Variants in TFDP2 observed in about 807,000 individuals in gnomAD.
TFDP2 encodes transcription factor Dp-2.
A neutral mutation model predicts 59.3 loss-of-function variants in TFDP2; 17 were observed. The ratio of observed to expected loss-of-function variants is 0.29; its 90% CI spans 0.20 to 0.43. The LOEUF (loss-of-function observed/expected upper bound fraction) is 0.43, where lower values mean the gene tolerates loss of function less well. Ranked by LOEUF, TFDP2 falls within the 20% of genes least tolerant of loss-of-function variation. TFDP2 has a pLI of 1.00. For synonymous variants in TFDP2, 180 were observed against 194.7 expected, an observed-to-expected ratio of 0.92 and a Z score of 0.63; for missense variants, 391 against 528.8, an observed-to-expected ratio of 0.74 and a Z score of 2.56.
intron 3 of TFDP2, among the ~76,000 whole-genome samples, chr3:142,083,923 A>G (rs1305220183): frequency 6.6e-6 from 1 of 152,112 alleles, no homozygotes; most frequent in African/African-American, 2.4e-5. Flanking sequence ...CTTGGGGAAA[A>G]TCTCCAGGAC....
chr3:142,093,894 A>G (rs2061080893), intron 2 of TFDP2: 1 of 459,042 alleles, frequency 2.2e-6, no homozygotes, highest in Admixed American at 2.4e-5. Context: ...AAATGAGATA[A>G]TTCATGTAAA....
chr3:141,984,960 G>C (rs1941921156), intron 6 of TFDP2, among the ~76,000 whole-genome samples: 1 of 151,764 alleles, frequency 6.6e-6, no homozygotes, highest in Non-Finnish European at 1.5e-5. Flanking sequence ...TTGTGGAGCA[G>C]GACTACCCCA....
chr3:141,962,385 G>A (rs998024371), intron 10 of TFDP2, among the ~76,000 whole-genome samples: 1 of 151,276 alleles, frequency 6.6e-6, no homozygotes, highest in Non-Finnish European at 1.5e-5. Context: ...TCGAGACAGA[G>A]TCTTGCTCTG....
chr3:142,051,152 T>G (rs1203012556), intron 3 of TFDP2, among the ~76,000 whole-genome samples: 2 of 152,162 alleles, frequency 1.3e-5, no homozygotes, highest in Non-Finnish European at 2.9e-5. Flanking sequence ...TCTGGAAGAC[T>G]CTCCTGCGCA....
intron 1 of TFDP2, among the ~76,000 whole-genome samples, chr3:142,131,189 A>T (rs1395181037): frequency 6.7e-6 from 1 of 150,356 alleles, no homozygotes; most frequent in Non-Finnish European, 1.5e-5. Context: ...ATTTAGAGTA[A>T]GAATATTATT....
At chr3:142,020,600 A>C (rs550206734) in intron 3 of TFDP2, among the ~76,000 whole-genome samples, 54 of 151,964 alleles carry the variant, frequency 3.6e-4, no homozygotes, top group South Asian at 1.9e-3. Context: ...CACCTATGTA[A>C]ATGAAATAAA....
At chr3:142,014,541 A>G (rs1297758630) in intron 3 of TFDP2, among the ~76,000 whole-genome samples, 1 of 152,172 alleles carries the variant, frequency 6.6e-6, no homozygotes, top group Non-Finnish European at 1.5e-5. Flanking sequence ...TATGTAAACT[A>G]TACCTTAATA....
At chr3:142,051,230 C>G (rs763742919) in intron 3 of TFDP2, among the ~76,000 whole-genome samples, 41 of 152,124 alleles carry the variant, frequency 2.7e-4, no homozygotes, top group Non-Finnish European at 5.3e-4. Context: ...GCCTACCCCC[C>G]AAGTTGTGAC....
At chr3:142,049,293 G>A (rs1181652134) in intron 3 of TFDP2, among the ~76,000 whole-genome samples, 2 of 152,114 alleles carry the variant, frequency 1.3e-5, no homozygotes, top group South Asian at 2.1e-4. Flanking sequence ...TCCCATGAAT[G>A]GCAGAAGGTT....
intron 3 of TFDP2, chr3:142,028,957 T>A (rs1946287688): frequency 1.3e-5 from 2 of 153,178 alleles, no homozygotes; most frequent in Admixed American, 1.3e-4. Flanking sequence ...ATGCTTAAAG[T>A]AAAAAGGGTG....
chr3:142,073,433 T>C (rs2060316916), intron 3 of TFDP2, among the ~76,000 whole-genome samples: 1 of 81,606 alleles, frequency 1.2e-5, no homozygotes. Context: ...TCAACTGTGT[T>C]AAATGCTTAA....
At chr3:142,043,129 C>T (rs1260141418) in intron 3 of TFDP2, among the ~76,000 whole-genome samples, 2 of 151,820 alleles carry the variant, frequency 1.3e-5, no homozygotes, top group African/African-American at 4.8e-5. Context: ...TCACTGCAAG[C>T]TCCGCCTCCC....
chr3:141,971,154 C>T (rs1559947274), intron 8 of TFDP2, among the ~76,000 whole-genome samples: 1 of 151,530 alleles, frequency 6.6e-6, no homozygotes, highest in Non-Finnish European at 1.5e-5. Flanking sequence ...TCAGAGAAAA[C>T]AGACATTAGG....
chr3:141,993,631 C>T (rs771553255), intron 5 of TFDP2, 46 bp from the exon 6 acceptor site: 3 of 1,144,850 alleles, frequency 2.6e-6, no homozygotes, highest in South Asian at 1.4e-5. Flanking sequence ...TACTTAAATA[C>T]AATTTAATTT....
chr3:142,051,943 T>C (rs542365427), intron 3 of TFDP2, among the ~76,000 whole-genome samples: 20 of 151,696 alleles, frequency 1.3e-4, no homozygotes, highest in African/African-American at 3.6e-4. Flanking sequence ...CTAGCCAACA[T>C]AGGGAGACCT....
intron 9 of TFDP2, among the ~76,000 whole-genome samples, chr3:141,966,321 C>T (rs1359433872): frequency 1.3e-5 from 2 of 151,740 alleles, no homozygotes; most frequent in African/African-American, 4.9e-5. Flanking sequence ...TACAGGCACC[C>T]GCCACCATGC....
chr3:141,975,168 T>G (rs1455242395), intron 7 of TFDP2, among the ~76,000 whole-genome samples: 1 of 151,864 alleles, frequency 6.6e-6, no homozygotes, highest in Admixed American at 6.6e-5. Context: ...TGCCTCGACC[T>G]CCCAAAGTGC....
chr3:142,043,885 C>T, intron 3 of TFDP2: 1 of 1,101,632 alleles, frequency 9.1e-7, no homozygotes, highest in Non-Finnish European at 1.4e-6. Flanking sequence ...CTTAGATTCA[C>T]AGTATCTTCT....
rs2062050844 is a variant in TFDP2, at chr3:142,121,672, C to T, written c.-92-19831G>A. Among the ~76,000 whole-genome samples the T allele has an allele frequency of 6.6e-6, 1 of 152,014 alleles. No individual in the cohort carries two copies. Among genetic ancestry groups the T allele is most frequent in the Non-Finnish European group, 1.5e-5 (1 of 68,006 alleles). On this transcript the variant is annotated intron_variant, in intron 1 of 12. Coordinates refer to ENST00000489671, the MANE Select transcript of TFDP2 (RefSeq NM_001178139.2). The surrounding 1 kb of genome is among the most constrained non-coding windows in gnomAD (Gnocchi z 4.3). ...CCATAGGCTATACAGATTGACTATA[C>T]AGTTTAGAAGACTCTTTCAAGGAGT...
Sources: gnomAD v4.1 joint callset for allele counts (sites outside exome capture counted in the v4.1 genomes callset) on GRCh38, gnomAD v4.1.1 for gene constraint, Gnocchi (gnomAD v3.1) non-coding constraint, MANE v1.5 for transcripts, NCBI Gene and HGNC (gene_info 2026-07-23, HGNC 2026-07-21) for gene names.